Variants in HEMK2 observed in about 807,000 individuals in gnomAD.
HEMK2 encodes the protein HemK methyltransferase 2, ETF1 glutamine and histone H4 lysine.
the HEMK2 span, among the ~76,000 whole-genome samples, chr21:28,681,762 C>G: frequency 2.0e-5 from 3 of 151,080 alleles, no homozygotes; most frequent in Non-Finnish European, 4.5e-5. Context: ...TTACAACTAT[C>G]TGATTTTTGA....
At chr21:28,661,812 C>T in the HEMK2 span, among the ~76,000 whole-genome samples, 1 of 152,064 alleles carries the variant, frequency 6.6e-6, no homozygotes, top group East Asian at 1.9e-4. Flanking sequence ...ACTAGTGTAA[C>T]TGAGAAACAG....
the HEMK2 span, among the ~76,000 whole-genome samples, chr21:28,648,351 G>A: frequency 6.6e-6 from 1 of 152,086 alleles, no homozygotes; most frequent in Non-Finnish European, 1.5e-5. Context: ...TTATGTATGG[G>A]GTGTTTTGGC....
At chr21:28,881,989 T>C in the HEMK2 span, among the ~76,000 whole-genome samples, 1 of 152,146 alleles carries the variant, frequency 6.6e-6, no homozygotes, top group African/African-American at 2.4e-5. Flanking sequence ...CACTTCTGAC[T>C]GAAAGAGGCC....
At chr21:28,607,052 G>C in the HEMK2 span, among the ~76,000 whole-genome samples, 1 of 152,194 alleles carries the variant, frequency 6.6e-6, no homozygotes, top group Non-Finnish European at 1.5e-5. Context: ...AGGCTTGCAA[G>C]AGGTATTCAA....
At chr21:28,782,711 G>A in the HEMK2 span, among the ~76,000 whole-genome samples, 1 of 152,204 alleles carries the variant, frequency 6.6e-6, no homozygotes, top group African/African-American at 2.4e-5. Flanking sequence ...TTGCTAATGA[G>A]TATGGGGTTT....
the HEMK2 span, among the ~76,000 whole-genome samples, chr21:28,623,193 T>C: frequency 6.6e-6 from 1 of 152,062 alleles, no homozygotes; most frequent in Non-Finnish European, 1.5e-5. Context: ...CAGACACTTC[T>C]CAAAAGAAGA....
the HEMK2 span, among the ~76,000 whole-genome samples, chr21:28,631,542 G>T: frequency 2.6e-5 from 4 of 151,978 alleles, no homozygotes; most frequent in Non-Finnish European, 4.4e-5. Flanking sequence ...CATACAATTT[G>T]CCCAACCCAA....
At chr21:28,766,434 A>T in the HEMK2 span, among the ~76,000 whole-genome samples, 1 of 119,068 alleles carries the variant, frequency 8.4e-6, no homozygotes, top group Admixed American at 8.8e-5. Context: ...ACCACTATGG[A>T]AAACAGTATG....
the HEMK2 span, among the ~76,000 whole-genome samples, chr21:28,720,292 A>T: frequency 3.9e-5 from 6 of 152,376 alleles, no homozygotes; most frequent in Non-Finnish European, 8.8e-5. Flanking sequence ...TATTTCCCCT[A>T]GGAGCAATGG....
At chr21:28,856,123 A>C in the HEMK2 span, among the ~76,000 whole-genome samples, 4 of 152,106 alleles carry the variant, frequency 2.6e-5, no homozygotes, top group Non-Finnish European at 5.9e-5. Context: ...CTTTTTTACA[A>C]GTTATTTTGG....
the HEMK2 span, among the ~76,000 whole-genome samples, chr21:28,605,915 T>C: frequency 6.6e-6 from 1 of 152,206 alleles, no homozygotes; most frequent in Admixed American, 6.5e-5. Flanking sequence ...CCATGATATT[T>C]GGACAAAAAA....
the HEMK2 span, among the ~76,000 whole-genome samples, chr21:28,656,736 T>C: frequency 1.3e-5 from 2 of 152,084 alleles, no homozygotes; most frequent in African/African-American, 4.8e-5. Context: ...CACATGCCAC[T>C]GTTAATTCTT....
At chr21:28,773,122 A>T in the HEMK2 span, among the ~76,000 whole-genome samples, 1 of 152,126 alleles carries the variant, frequency 6.6e-6, no homozygotes, top group East Asian at 1.9e-4. Context: ...CCTGCTCTAG[A>T]CTTAATTTTG....
the HEMK2 span, among the ~76,000 whole-genome samples, chr21:28,710,331 T>G: frequency 2.0e-5 from 3 of 152,220 alleles, no homozygotes; most frequent in Non-Finnish European, 2.9e-5. Flanking sequence ...GATTTGGAAA[T>G]AGAAAAACCA....
chr21:28,769,004 T>A, the HEMK2 span, among the ~76,000 whole-genome samples: 8 of 152,006 alleles, frequency 5.3e-5, no homozygotes, highest in Non-Finnish European at 8.8e-5. Flanking sequence ...AACATCTTAA[T>A]CTTGGACTTC....
chr21:28,846,768 T>G, the HEMK2 span, among the ~76,000 whole-genome samples: 1 of 152,124 alleles, frequency 6.6e-6, no homozygotes, highest in African/African-American at 2.4e-5. Context: ...AGGTAATTTT[T>G]CAATCCTTGG....
chr21:28,750,334 A>G, the HEMK2 span, among the ~76,000 whole-genome samples: 7 of 152,158 alleles, frequency 4.6e-5, no homozygotes, highest in African/African-American at 1.7e-4. Context: ...ACAGACACAC[A>G]GTTTAATAAT....
the HEMK2 span, among the ~76,000 whole-genome samples, chr21:28,620,350 T>C: frequency 4.6e-5 from 7 of 152,164 alleles, no homozygotes; most frequent in African/African-American, 1.7e-4. Flanking sequence ...TGGTACTAGC[T>C]CCTCTTTGGA....
chr21:28,851,893 A>G, the HEMK2 span, among the ~76,000 whole-genome samples: 4 of 152,198 alleles, frequency 2.6e-5, no homozygotes, highest in Non-Finnish European at 5.9e-5. Flanking sequence ...ATGGACAGGA[A>G]TGGAGAAAAA....
Sources: gnomAD v4.1 joint callset for allele counts (sites outside exome capture counted in the v4.1 genomes callset) on GRCh38, gnomAD v4.1.1 for gene constraint, MANE v1.5 for transcripts, NCBI Gene and HGNC (gene_info 2026-07-23, HGNC 2026-07-21) for gene names.